PRUNE2: variants seen among roughly 807,000 people sequenced by gnomAD.
PRUNE2 encodes the protein prune homolog 2 with BCH domain.
PRUNE2 carries 164 observed loss-of-function variants against 252.0 expected under a neutral mutation model. The observed-to-expected ratio is 0.65, with a 90% CI of 0.57 to 0.74. The LOEUF is 0.74. Among genes scored for constraint, PRUNE2 ranks in the 30% least tolerant of loss-of-function variants. PRUNE2 has a pLI of 0.00. For synonymous variants in PRUNE2, 1,292 were observed against 1,350.2 expected (o/e 0.96, Z 0.94); for missense variants, 3,495 against 3,711.0 (o/e 0.94, Z 1.51).
intron 1 of PRUNE2, among the ~76,000 whole-genome samples, chr9:76,889,409 C>G (rs1329862474): frequency 1.3e-5 from 2 of 151,830 alleles, no homozygotes; most frequent in African/African-American, 4.8e-5. Context: ...CAACCTCGAC[C>G]TCCTAGGCTC....
chr9:76,701,080 G>T (rs900600070), intron 9 of PRUNE2, among the ~76,000 whole-genome samples: 3 of 152,182 alleles, frequency 2.0e-5, no homozygotes, highest in Non-Finnish European at 4.4e-5. Context: ...AAGCTTTGGA[G>T]GGCATCAGGA....
At chr9:76,643,442 G>A (rs377114542) in intron 12 of PRUNE2, among the ~76,000 whole-genome samples, 33 of 151,716 alleles carry the variant, frequency 2.2e-4, no homozygotes, top group African/African-American at 7.3e-4. Flanking sequence ...AAGGAGATGT[G>A]ACCTGGGAAG....
At chr9:76,746,711 C>CAAAAAAAAAAA (rs57001696) in intron 6 of PRUNE2, among the ~76,000 whole-genome samples, 4 of 76,132 alleles carry the variant, frequency 5.3e-5, no homozygotes, top group African/African-American at 1.1e-4. Flanking sequence ...GACTCCGTCT[C>CAAAAAAAAAAA]AAAAAAAAAA....
intron 15 of PRUNE2, among the ~76,000 whole-genome samples, chr9:76,632,121 C>T (rs1837924693): frequency 6.6e-6 from 1 of 152,188 alleles, no homozygotes; most frequent in Non-Finnish European, 1.5e-5. Context: ...GTGCATGTGT[C>T]TTTACGGTAG....
chr9:76,767,047 T>C (rs1012476047), intron 6 of PRUNE2, among the ~76,000 whole-genome samples: 1 of 152,256 alleles, frequency 6.6e-6, no homozygotes, highest in Non-Finnish European at 1.5e-5. Flanking sequence ...CACTGCTGTA[T>C]TCTGGTATAG....
intron 9 of PRUNE2, among the ~76,000 whole-genome samples, chr9:76,700,845 C>T (rs559520261): frequency 2.6e-4 from 39 of 152,272 alleles, no homozygotes; most frequent in African/African-American, 8.2e-4. Flanking sequence ...ATTCTTGTCT[C>T]GCAGGGTTGC....
At chr9:76,787,480 A>G (rs554681591) in intron 6 of PRUNE2, 2 of 152,216 alleles carry the variant, frequency 1.3e-5, no homozygotes, top group East Asian at 3.9e-4. Context: ...AGGTGCAGCA[A>G]ACCACTATGG....
At chr9:76,903,547 C>G (rs1424593074) in intron 1 of PRUNE2, among the ~76,000 whole-genome samples, 1 of 152,020 alleles carries the variant, frequency 6.6e-6, no homozygotes, top group Non-Finnish European at 1.5e-5. Context: ...AAATGTTTTC[C>G]AAAGGATTGG....
At position 76,859,993 on chromosome 9, in the gene PRUNE2, G is replaced by A. The variant is rs117969902; in HGVS notation, c.37-5785C>T. Among the ~76,000 whole-genome samples, 29 of 152,266 alleles carry A rather than the reference G, an allele frequency of 1.9e-4. No individual in the cohort carries two copies. In the East Asian group the frequency reaches 3.9e-3, roughly 20 times the overall value. ...TGGGATTACAAGCATGAGCCACCAC[G>A]CCCGGCCTGAAGCCAGGGTTTTTCA... is the stretch of plus-strand genomic sequence containing the variant. On this transcript the variant is annotated intron_variant, in intron 1 of 18. Coordinates refer to ENST00000376718, the MANE Select transcript of PRUNE2 (RefSeq NM_015225.3).
chr9:76,835,957 G>A (rs1035786970), intron 4 of PRUNE2, among the ~76,000 whole-genome samples: 3 of 152,106 alleles, frequency 2.0e-5, no homozygotes, highest in African/African-American at 7.2e-5. Flanking sequence ...AAGAACAGTC[G>A]CTTTTCTTTC....
chr9:76,864,174 C>A lies in PRUNE2; in HGVS notation c.37-9966G>T, dbSNP rs112316787. On this transcript the variant is annotated intron_variant, in intron 1 of 18. Coordinates refer to ENST00000376718, the MANE Select transcript of PRUNE2 (RefSeq NM_015225.3). ...TATGGAGCTGGATGGAGGACATTAT[C>A]CTAAGCAAATTAACACAGGAACAGA... 2.1e-3 allele frequency among the ~76,000 whole-genome samples: 327 copies of A among 152,222 alleles called. 1 individual carries two copies. Among genetic ancestry groups the A allele is most frequent in the African/African-American group, 7.5e-3 (311 of 41,550 alleles).
At chr9:76,781,566 A>G (rs1210064677) in intron 6 of PRUNE2, among the ~76,000 whole-genome samples, 1 of 152,192 alleles carries the variant, frequency 6.6e-6, no homozygotes, top group Admixed American at 6.5e-5. Context: ...CTCCCTATCT[A>G]ATGTAAAATA....
chr9:76,826,811 G>A, intron 4 of PRUNE2, 79 bp from the exon 5 acceptor site: 1 of 1,193,676 alleles, frequency 8.4e-7, no homozygotes, highest in East Asian at 2.5e-5. Flanking sequence ...GTGTTTCCTG[G>A]CCTCTCAATC....
intron 1 of PRUNE2, among the ~76,000 whole-genome samples, chr9:76,897,390 C>CT (rs55702049): frequency 0.01 from 578 of 56,256 alleles, 161 homozygotes; most frequent in Non-Finnish European, 0.016. Flanking sequence ...AGGCAAACCT[C>CT]TTTTTTTTTT....
At chr9:76,868,071 G>A (rs764121377) in intron 1 of PRUNE2, among the ~76,000 whole-genome samples, 13 of 151,774 alleles carry the variant, frequency 8.6e-5, no homozygotes, top group South Asian at 2.1e-4. Context: ...CCTTTTTCCC[G>A]TAGACAGGAA....
intron 4 of PRUNE2, among the ~76,000 whole-genome samples, chr9:76,837,441 A>AAATAATAATAATAATAATAATAATAAT (rs57793891): frequency 9.6e-5 from 13 of 134,824 alleles, no homozygotes; most frequent in South Asian, 2.7e-4. Flanking sequence ...ACTCTGTCTC[A>AAATAATAATAATAATAATAATAATAAT]AATAATAATA....
At chr9:76,625,966 T>C (rs905858880) in intron 16 of PRUNE2, among the ~76,000 whole-genome samples, 15 of 152,210 alleles carry the variant, frequency 9.9e-5, no homozygotes. Context: ...AAAATATGTG[T>C]ATTAGATAAG....
chr9:76,830,788 A>G (rs2058627149), intron 4 of PRUNE2, among the ~76,000 whole-genome samples: 1 of 152,176 alleles, frequency 6.6e-6, no homozygotes, highest in South Asian at 2.1e-4. Flanking sequence ...ATAAAAATTA[A>G]ACCAATCAGA....
intron 2 of PRUNE2, among the ~76,000 whole-genome samples, chr9:76,852,802 GT>G (rs2060032282): frequency 6.6e-6 from 1 of 150,376 alleles, no homozygotes. Context: ...CCATCTGTCT[GT>G]CTGTCTATCT....
Sources: gnomAD v4.1 joint callset for allele counts (sites outside exome capture counted in the v4.1 genomes callset) on GRCh38, gnomAD v4.1.1 for gene constraint, MANE v1.5 for transcripts, NCBI Gene and HGNC (gene_info 2026-07-23, HGNC 2026-07-21) for gene names.